The following PPARGC1A variants were observed in gnomAD, a reference collection of about 807,000 sequenced individuals.
The protein encoded by PPARGC1A is peroxisome proliferator-activated receptor gamma coactivator 1-alpha.
PPARGC1A carries 25 observed loss-of-function variants against 88.7 expected under a neutral mutation model. The ratio of observed to expected loss-of-function variants is 0.28; its 90% CI spans 0.21 to 0.39. The LOEUF (loss-of-function observed/expected upper bound fraction) is 0.39. Ranked by LOEUF, PPARGC1A falls within the 10% of genes least tolerant of loss-of-function variation. PPARGC1A has a pLI of 1.00. For missense variants in PPARGC1A, 880 were observed against 968.7 expected, an observed-to-expected ratio of 0.91 and a Z score of 1.22; for synonymous variants, 363 against 355.6, an observed-to-expected ratio of 1.02 and a Z score of -0.24.
At chr4:24,126,567 G>A in the PPARGC1A span, among the ~76,000 whole-genome samples, 4 of 152,144 alleles carry the variant, frequency 2.6e-5, no homozygotes, top group Non-Finnish European at 4.4e-5. Flanking sequence ...CAGGAACTAG[G>A]TGAGTTTTCC....
the PPARGC1A span, among the ~76,000 whole-genome samples, chr4:24,367,134 T>G: frequency 6.6e-6 from 1 of 152,166 alleles, no homozygotes; most frequent in Admixed American, 6.5e-5. Context: ...GGGTTAATGA[T>G]TCGTAATCAC....
intron 2 of PPARGC1A, among the ~76,000 whole-genome samples, chr4:23,871,871 T>A (rs1485956583): frequency 1.3e-5 from 2 of 152,208 alleles, no homozygotes; most frequent in Non-Finnish European, 2.9e-5. Context: ...GGATTTAAGC[T>A]CGAGTATTAT....
At chr4:24,266,715 T>G in the PPARGC1A span, among the ~76,000 whole-genome samples, 10 of 152,190 alleles carry the variant, frequency 6.6e-5, no homozygotes, top group East Asian at 1.5e-3. Flanking sequence ...TAATGAGGAC[T>G]CCAGGCTGCA....
the PPARGC1A span, among the ~76,000 whole-genome samples, chr4:24,406,088 G>A: frequency 2.0e-5 from 3 of 152,182 alleles, no homozygotes; most frequent in African/African-American, 7.2e-5. Flanking sequence ...CATGGGAAAG[G>A]CACACGCTAC....
chr4:24,209,129 G>A, the PPARGC1A span, among the ~76,000 whole-genome samples: 41 of 152,294 alleles, frequency 2.7e-4, no homozygotes, highest in South Asian at 4.1e-4. Context: ...CATGGGGACA[G>A]GAGCCATTCA....
the PPARGC1A span, among the ~76,000 whole-genome samples, chr4:24,423,835 G>T: frequency 1.4e-4 from 22 of 152,244 alleles, no homozygotes; most frequent in African/African-American, 4.8e-4. Context: ...CACTACCAAC[G>T]CTGCCTACAA....
the PPARGC1A span, among the ~76,000 whole-genome samples, chr4:24,182,320 G>A: frequency 0.035 from 5,356 of 152,226 alleles, 140 homozygotes; most frequent in South Asian, 0.098. Context: ...TGCAAAGGAT[G>A]TGAACTCATT....
the PPARGC1A span, among the ~76,000 whole-genome samples, chr4:24,123,925 AC>A: frequency 2.7e-3 from 390 of 146,414 alleles, 5 homozygotes; most frequent in East Asian, 0.044. Flanking sequence ...AAAAAAAAAA[AC>A]AAAAAAAACA....
the PPARGC1A span, among the ~76,000 whole-genome samples, chr4:23,981,805 T>C: frequency 6.6e-6 from 1 of 152,216 alleles, no homozygotes; most frequent in African/African-American, 2.4e-5. Context: ...CACAAAGCGA[T>C]CTTTAGTAGA....
At chr4:23,871,575 C>T (rs1169012508) in intron 2 of PPARGC1A, among the ~76,000 whole-genome samples, 1 of 152,154 alleles carries the variant, frequency 6.6e-6, no homozygotes, top group Admixed American at 6.5e-5. Context: ...CAGGGTGTCC[C>T]CGCTAAGTAT....
chr4:24,382,154 A>G, the PPARGC1A span, among the ~76,000 whole-genome samples: 1 of 98,012 alleles, frequency 1.0e-5, no homozygotes, highest in Non-Finnish European at 2.1e-5. Flanking sequence ...GAGAAAACCT[A>G]AAAATTCAAC....
chr4:24,471,659 C>A, the PPARGC1A span, among the ~76,000 whole-genome samples: 2 of 152,200 alleles, frequency 1.3e-5, no homozygotes, highest in Non-Finnish European at 2.9e-5. The surrounding 1 kb of genome is among the most constrained non-coding windows in gnomAD (Gnocchi z 5.4). Flanking sequence ...CCCTGGGCCC[C>A]CCGAGTCACA....
chr4:24,170,976 T>C, the PPARGC1A span, among the ~76,000 whole-genome samples: 2 of 152,170 alleles, frequency 1.3e-5, no homozygotes, highest in African/African-American at 4.8e-5. Context: ...TCACGCATGC[T>C]CCTGCCTCAG....
the PPARGC1A span, among the ~76,000 whole-genome samples, chr4:24,404,700 T>C: frequency 6.6e-6 from 1 of 152,204 alleles, no homozygotes. Context: ...CACTGGCAAC[T>C]CAGTCTTACC....
the PPARGC1A span, among the ~76,000 whole-genome samples, chr4:24,193,649 C>G: frequency 6.6e-6 from 1 of 152,306 alleles, no homozygotes; most frequent in East Asian, 1.9e-4. Flanking sequence ...TCATCTTTTA[C>G]AAGCTGTATC....
At chr4:24,357,927 G>A in the PPARGC1A span, among the ~76,000 whole-genome samples, 1 of 152,154 alleles carries the variant, frequency 6.6e-6, no homozygotes, top group Non-Finnish European at 1.5e-5. Flanking sequence ...CCCAGTCTCA[G>A]ATATGTCTTT....
chr4:24,454,675 C>G, the PPARGC1A span, among the ~76,000 whole-genome samples: 1 of 151,712 alleles, frequency 6.6e-6, no homozygotes. Context: ...GAGGTTGAGG[C>G]TGCAGTGAGC....
the PPARGC1A span, among the ~76,000 whole-genome samples, chr4:24,243,534 G>C: frequency 1.3e-5 from 2 of 152,218 alleles, no homozygotes; most frequent in African/African-American, 4.8e-5. Context: ...AAGGAAAAGA[G>C]ACCTGCAGAA....
the PPARGC1A span, among the ~76,000 whole-genome samples, chr4:24,122,926 A>C: frequency 1.3e-5 from 2 of 152,186 alleles, no homozygotes; most frequent in African/African-American, 2.4e-5. Flanking sequence ...CATGTCATGC[A>C]ATAATGTGAA....
Sources: gnomAD v4.1 joint callset for allele counts (sites outside exome capture counted in the v4.1 genomes callset) on GRCh38, gnomAD v4.1.1 for gene constraint, Gnocchi (gnomAD v3.1) non-coding constraint, MANE v1.5 for transcripts, NCBI Gene and HGNC (gene_info 2026-07-23, HGNC 2026-07-21) for gene names.